The following USP34 variants were observed in gnomAD, a reference collection of about 807,000 sequenced individuals.
The protein encoded by USP34 is ubiquitin carboxyl-terminal hydrolase 34.
A neutral mutation model predicts 460.3 loss-of-function variants in USP34; 70 were observed. The ratio of observed to expected loss-of-function variants is 0.15; its 90% confidence interval spans 0.13 to 0.19. The LOEUF (loss-of-function observed/expected upper bound fraction) is 0.19, where lower values mean the gene tolerates loss of function less well. Among genes scored for constraint, USP34 ranks in the 10% least tolerant of loss-of-function variants. USP34 has a pLI of 1.00. For synonymous variants in USP34, 1,647 were observed against 1,405.3 expected (o/e 1.17, Z -3.85); for missense variants, 3,985 against 4,236.2 (o/e 0.94, Z 1.65).
At chr2:61,213,604 A>G (rs970304024) in intron 68 of USP34, among the ~76,000 whole-genome samples, 13 of 152,230 alleles carry the variant, frequency 8.5e-5, no homozygotes, top group Non-Finnish European at 1.9e-4. Context: ...TAAGCATTTC[A>G]TTTGTTTGGA....
At chr2:61,201,387 TTTTTA>T (rs1032347557) in intron 75 of USP34, among the ~76,000 whole-genome samples, 1 of 151,998 alleles carries the variant, frequency 6.6e-6, no homozygotes, top group African/African-American at 2.4e-5. Flanking sequence ...CTAGCTAATT[TTTTTA>T]TTTTTAGTAG....
At chr2:61,231,126 G>A (rs1344418132) in intron 58 of USP34, among the ~76,000 whole-genome samples, 3 of 152,126 alleles carry the variant, frequency 2.0e-5, no homozygotes, top group African/African-American at 4.8e-5. Context: ...TTGTTAAATC[G>A]AAGCAGTAAG....
chr2:61,332,488 T>A (rs371625579), intron 19 of USP34, among the ~76,000 whole-genome samples: 2 of 152,008 alleles, frequency 1.3e-5, no homozygotes, highest in African/African-American at 4.8e-5. Context: ...TAGGTTCGGG[T>A]ACTTGATTAA....
chr2:61,416,294 T>C (rs1351589688), intron 2 of USP34, among the ~76,000 whole-genome samples: 1 of 152,168 alleles, frequency 6.6e-6, no homozygotes, highest in African/African-American at 2.4e-5. Flanking sequence ...AAAAACAAAA[T>C]TTATTAAAAC....
chr2:61,287,927 T>G (rs914592008), intron 34 of USP34, among the ~76,000 whole-genome samples: 4 of 152,206 alleles, frequency 2.6e-5, no homozygotes, highest in Non-Finnish European at 5.9e-5. Flanking sequence ...CTTGTTCTAT[T>G]ATGCTAGGGC....
At chr2:61,352,831 A>G (rs1691983320) in intron 10 of USP34, among the ~76,000 whole-genome samples, 1 of 152,172 alleles carries the variant, frequency 6.6e-6, no homozygotes, top group Admixed American at 6.5e-5. Flanking sequence ...AGAAACAAAG[A>G]TGACGAAGAG....
intron 3 of USP34, among the ~76,000 whole-genome samples, chr2:61,404,306 G>A (rs1693805817): frequency 1.3e-5 from 2 of 151,976 alleles, no homozygotes; most frequent in African/African-American, 4.8e-5. Flanking sequence ...TTCTCTAATG[G>A]CCATAATTCT....
At chr2:61,345,943 A>C (rs1691754300) in intron 15 of USP34, among the ~76,000 whole-genome samples, 1 of 152,208 alleles carries the variant, frequency 6.6e-6, no homozygotes, top group African/African-American at 2.4e-5. Flanking sequence ...AAAAATGAAG[A>C]AAAATTAATT....
chr2:61,339,073 C>T (rs1185251953), intron 18 of USP34, among the ~76,000 whole-genome samples: 1 of 152,018 alleles, frequency 6.6e-6, no homozygotes, highest in Non-Finnish European at 1.5e-5. Flanking sequence ...CCAAGGTGTC[C>T]CCAGAATCAA....
chr2:61,272,423 A>C (rs1689242828), intron 41 of USP34, among the ~76,000 whole-genome samples: 1 of 151,802 alleles, frequency 6.6e-6, no homozygotes, highest in Non-Finnish European at 1.5e-5. Context: ...AAAAAAAAAA[A>C]AAAAAAAATT....
At chr2:61,354,378 A>T (rs1213694403) in intron 10 of USP34, among the ~76,000 whole-genome samples, 1 of 152,238 alleles carries the variant, frequency 6.6e-6, no homozygotes, top group Non-Finnish European at 1.5e-5. Context: ...ATCTTGCAAT[A>T]AGAATTCTAA....
At chr2:61,223,406 C>T in intron 62 of USP34, 110 bp from the exon 63 acceptor site, 2 of 1,090,068 alleles carry the variant, frequency 1.8e-6, no homozygotes, top group Non-Finnish European at 2.6e-6. Flanking sequence ...TATTAACCTG[C>T]CATCATAAAA....
intron 1 of USP34, among the ~76,000 whole-genome samples, chr2:61,448,789 A>G (rs1266784737): frequency 6.6e-6 from 1 of 152,216 alleles, no homozygotes; most frequent in Non-Finnish European, 1.5e-5. Context: ...AAATCTAGAA[A>G]AACAATTTTA....
At chr2:61,245,710 A>G (rs2103868625) in intron 50 of USP34, among the ~76,000 whole-genome samples, 1 of 152,282 alleles carries the variant, frequency 6.6e-6, no homozygotes. Context: ...TGATGGGTGA[A>G]GGAGTGAAAA....
At chr2:61,371,471 C>G (rs897465385) in intron 8 of USP34, among the ~76,000 whole-genome samples, 13 of 148,624 alleles carry the variant, frequency 8.7e-5, no homozygotes, top group African/African-American at 3.2e-4. Flanking sequence ...AAGAAAACAG[C>G]TCACAGAATA....
At chr2:61,460,855 C>T (rs1214333530) in intron 1 of USP34, among the ~76,000 whole-genome samples, 2 of 151,758 alleles carry the variant, frequency 1.3e-5, no homozygotes, top group African/African-American at 2.4e-5. Flanking sequence ...TAGTGACGCA[C>T]GCCTGTAGTC....
intron 5 of USP34, among the ~76,000 whole-genome samples, chr2:61,384,319 C>T (rs566937142): frequency 5.3e-5 from 8 of 151,834 alleles, no homozygotes; most frequent in Non-Finnish European, 7.4e-5. Flanking sequence ...AAATCCTAAC[C>T]CAACCAATCA....
chr2:61,283,338 T>C, intron 36 of USP34, 69 bp from the exon 37 acceptor site: 1 of 1,578,464 alleles, frequency 6.3e-7, no homozygotes, highest in Non-Finnish European at 8.6e-7. Context: ...ATGTTCAATA[T>C]TAAAGGTAAA....
intron 71 of USP34, among the ~76,000 whole-genome samples, 199 bp from the exon 72 acceptor site, chr2:61,206,323 T>C (rs1300190034): frequency 6.6e-6 from 1 of 152,222 alleles, no homozygotes; most frequent in African/African-American, 2.4e-5. Context: ...ACATATTTCA[T>C]TGATAATATG....
Sources: gnomAD v4.1 joint callset for allele counts (sites outside exome capture counted in the v4.1 genomes callset) on GRCh38, gnomAD v4.1.1 for gene constraint, MANE v1.5 for transcripts, NCBI Gene and HGNC (gene_info 2026-07-23, HGNC 2026-07-21) for gene names.